The following RADIL variants were observed in gnomAD, a reference collection of about 807,000 sequenced individuals.
RADIL encodes Rap associating with DIL domain, also known as ras-associating and dilute domain-containing protein.
A neutral mutation model predicts 97.6 loss-of-function variants in RADIL; 99 were observed. The observed-to-expected ratio is 1.01, with a 90% CI of 0.86 to 1.20. The LOEUF (loss-of-function observed/expected upper bound fraction) is 1.20. RADIL is among the 50% of genes most tolerant of loss of function. RADIL has a pLI of 0.00. For synonymous variants in RADIL, 803 were observed against 691.8 expected, an observed-to-expected ratio of 1.16 and a Z score of -2.52; for missense variants, 1,765 against 1,498.9, an observed-to-expected ratio of 1.18 and a Z score of -2.93.
intron 9 of RADIL, among the ~76,000 whole-genome samples, chr7:4,806,199 G>A (rs1190044377): frequency 6.6e-6 from 1 of 152,232 alleles, no homozygotes; most frequent in Non-Finnish European, 1.5e-5. Context: ...ACGCAGGTTG[G>A]GGTGCAGTGG....
rs79511495 is a variant in RADIL, at chr7:4,869,208, C to T, written c.535+8397G>A. Among the ~76,000 whole-genome samples the T allele has an allele frequency of 1.8e-3, 278 of 152,322 alleles. 2 individuals are homozygous for T. The highest frequency in any genetic ancestry group is 6.3e-3 in the African/African-American group (261 of 41,594). On this transcript the variant is annotated intron_variant, in intron 2 of 14. Transcript: ENST00000399583. Reference sequence around the variant, plus strand: ...AGTGCAGTGGCATGATCACAGCTCACTGCAGCCTTGACCTTCTGGGCTCAA... The same window carrying T: ...AGTGCAGTGGCATGATCACAGCTCATTGCAGCCTTGACCTTCTGGGCTCAA...
chr7:4,868,785 A>G (rs1784188277), intron 2 of RADIL, among the ~76,000 whole-genome samples: 2 of 152,220 alleles, frequency 1.3e-5, no homozygotes, highest in African/African-American at 4.8e-5. Context: ...ATATAGTCAA[A>G]TCTATCTACT....
intron 2 of RADIL, chr7:4,865,546 G>A (rs1784111993): frequency 1.3e-6 from 1 of 784,760 alleles, no homozygotes. Flanking sequence ...ATTTTTTGTT[G>A]AGATACTTCA....
Position 4,840,220 on chromosome 7 carries a change from T to C in RADIL, c.536-3615A>G, listed in dbSNP as rs1783406467. ...TGGGGGCCGACATGGCCTCCCAAGTTCCCATAGAGAGAGCTGCAATCGTGC... is the reference window on the plus strand; with the variant it reads ...TGGGGGCCGACATGGCCTCCCAAGTCCCCATAGAGAGAGCTGCAATCGTGC... On this transcript the variant is annotated intron_variant, in intron 2 of 14. Coordinates refer to ENST00000399583, the MANE Select transcript of RADIL (RefSeq NM_018059.5). The surrounding 1 kb of genome is among the most constrained non-coding windows in gnomAD (Gnocchi z 5.6). Among the ~76,000 whole-genome samples the C allele has an allele frequency of 6.6e-6, 1 of 152,036 alleles. No individual in the cohort carries two copies. Among genetic ancestry groups the C allele is most frequent in the Non-Finnish European group, 1.5e-5 (1 of 67,984 alleles).
In RADIL at chr7:4,873,273, A is replaced by G. The variant is rs1784295891; in HGVS notation, c.535+4332T>C. Among the ~76,000 whole-genome samples, 1 of 152,138 alleles carries G rather than the reference A, an allele frequency of 6.6e-6. No homozygotes were observed. Among genetic ancestry groups the G allele is most frequent in the African/African-American group, 2.4e-5 (1 of 41,416 alleles). On this transcript the variant is annotated intron_variant, in intron 2 of 14. Coordinates refer to ENST00000399583, the MANE Select transcript of RADIL (RefSeq NM_018059.5). This position sits in a 1 kb window ranked among gnomAD's most constrained non-coding sequence, Gnocchi z 4.3. ...CATAGGAGTAATGGGAAATTATTGAAAAACAGTGTTACAGTGTTGAGCAAC... is the reference window on the plus strand; with the variant it reads ...CATAGGAGTAATGGGAAATTATTGAGAAACAGTGTTACAGTGTTGAGCAAC...
At chr7:4,808,509 C>A in intron 9 of RADIL, 2 of 916,740 alleles carry the variant, frequency 2.2e-6, no homozygotes, top group Non-Finnish European at 2.6e-6. Context: ...AAATGGTTTT[C>A]ACGTTTTTAA....
chr7:4,801,892 G>A lies in RADIL; in HGVS notation c.2603C>T (p.Thr868Ile). 1 of 1,583,220 alleles carries A rather than the reference G, an allele frequency of 6.3e-7. No homozygotes were observed. Among genetic ancestry groups the A allele is most frequent in the South Asian group, 1.1e-5 (1 of 87,708 alleles). ...CCAGGGAGCCCCCCTCAAGGGAAGA[G>A]TACGCTCCGGGGCCACTTCCCGGGC... The part of the protein sequence containing the change: ...PAAREVAPER[T>I]LPLRGAPWAQ... Residue 868 changes from threonine (T) to isoleucine (I), a missense_variant, in exon 12 of 15, where the codon ACT becomes ATT. Physicochemically the swap from Thr to Ile is moderately conservative, Grantham distance 89. Transcript: ENST00000399583.
rs1008836352 is a variant in RADIL at position 4,817,730 on chromosome 7, G to C, written c.1616-379C>G. 1.3e-5 allele frequency among the ~76,000 whole-genome samples: 2 copies of C among 152,174 alleles called. No homozygotes were observed. Among genetic ancestry groups the C allele is most frequent in the Non-Finnish European group, 2.9e-5 (2 of 68,022 alleles). ...ACAGGTCACCTCTCACTCGCGACACGGGTCACAGGACTCTGGCAGCAGCCC... is the reference window on the plus strand; with the variant it reads ...ACAGGTCACCTCTCACTCGCGACACCGGTCACAGGACTCTGGCAGCAGCCC... On this transcript the variant is annotated intron_variant, in intron 6 of 14. Coordinates refer to ENST00000399583, the MANE Select transcript of RADIL (RefSeq NM_018059.5). This position sits in a 1 kb window ranked among gnomAD's most constrained non-coding sequence, Gnocchi z 8.3.
intron 12 of RADIL, 147 bp from the exon 13 acceptor site, chr7:4,800,457 T>C (rs1459902243): frequency 3.3e-6 from 3 of 913,950 alleles, no homozygotes; most frequent in Non-Finnish European, 1.5e-6. Flanking sequence ...AGGCAGAATG[T>C]GACCGGCAAC....
Position 4,836,532 on chromosome 7 carries a change from G to C in RADIL, c.609C>G (p.Ala203=). The stretch of plus-strand genomic sequence containing the variant: ...GCAACCGGGGTGGAGGAGAGCTCCG[G>C]GCATCCCCCAGGGCCGGGGTCGGGG... ...KGTPTPALGD[A]RSSPPPRLRR... The change falls in exon 3 of 15, where the codon GCC becomes GCG. Residue 203 remains alanine, a synonymous_variant. Coordinates refer to ENST00000399583, the MANE Select transcript of RADIL (RefSeq NM_018059.5). 6.2e-7 allele frequency: 1 copy of C among 1,607,720 alleles called. No homozygotes were observed.
chr7:4,864,978 C>T (rs1012469522), intron 2 of RADIL, among the ~76,000 whole-genome samples: 9 of 152,170 alleles, frequency 5.9e-5, no homozygotes, highest in East Asian at 1.9e-4. Flanking sequence ...TCTGTCTAGC[C>T]GCACCTTCTG....
chr7:4,877,401 C>T lies in RADIL; in HGVS notation c.535+204G>A, dbSNP rs535397033. On this transcript the variant is annotated intron_variant, in intron 2 of 14. Transcript: ENST00000399583. ...AGTGAGCTGTGGTTGCACCACTGCA[C>T]TCCAGCCTGGGTGACAGAGCAAGAC... is the stretch of plus-strand genomic sequence containing the variant. 9.8e-5 allele frequency among the ~76,000 whole-genome samples: 15 copies of T among 152,360 alleles called. No homozygotes were observed. The South Asian group carries it at 2.9e-3, about 29-fold the overall frequency.
intron 2 of RADIL, among the ~76,000 whole-genome samples, chr7:4,875,632 A>G (rs149616159): frequency 4.6e-5 from 7 of 152,196 alleles, no homozygotes; most frequent in Non-Finnish European, 7.4e-5. Context: ...GCCCTGTCCC[A>G]CTCGCTTTTT....
rs928622028 is a variant in RADIL, at chr7:4,849,773, C to T, written c.536-13168G>A. On this transcript the variant is annotated intron_variant, in intron 2 of 14. Coordinates refer to ENST00000399583, the MANE Select transcript of RADIL (RefSeq NM_018059.5). The surrounding 1 kb of genome is among the most constrained non-coding windows in gnomAD (Gnocchi z 5.4). ...AGAATCTTAATTCATTTCACTCCTGCATACCTTTCTGCGTACGCACAAAAC... is the reference window on the plus strand; with the variant it reads ...AGAATCTTAATTCATTTCACTCCTGTATACCTTTCTGCGTACGCACAAAAC... Among the ~76,000 whole-genome samples, 4 of 152,194 alleles carry T rather than the reference C, an allele frequency of 2.6e-5. No individual in the cohort carries two copies. Among genetic ancestry groups the T allele is most frequent in the Non-Finnish European group, 5.9e-5 (4 of 68,036 alleles).
rs755252284 is a variant in RADIL, at chr7:4,835,208, C to T, written c.815G>A (p.Arg272Gln). ...DSLVYVLNRD[R>Q]HTVGQRTPSS... ...GGGGGTCCGCTGGCCCACCGTGTGCCGGTCCCGGTTGAGCACATACACCAG... is the reference window on the plus strand; with the variant it reads ...GGGGGTCCGCTGGCCCACCGTGTGCTGGTCCCGGTTGAGCACATACACCAG... The change falls in exon 4 of 15, where the codon CGG becomes CAG. Residue 272 changes from arginine to glutamine, a missense_variant. By Grantham distance (43) the Arg-to-Gln change is conservative. Transcript: ENST00000399583. This position sits in a 1 kb window ranked among gnomAD's most constrained non-coding sequence, Gnocchi z 5.8. 12 of 1,611,368 alleles carry T rather than the reference C, an allele frequency of 7.4e-6. No homozygotes were observed. The highest frequency in any genetic ancestry group is 2.2e-5 in the South Asian group (2 of 91,024).
rs1487080852 is a variant in RADIL at position 4,867,610 on chromosome 7, T to A, written c.535+9995A>T. 1.3e-5 allele frequency among the ~76,000 whole-genome samples: 2 copies of A among 151,528 alleles called. No homozygotes were observed. Among genetic ancestry groups the A allele is most frequent in the East Asian group, 3.9e-4 (2 of 5,184 alleles). ...AGTCTGGCAACATAGTGAGGCCCTG[T>A]CTCTATTTTTAAAATAAATAAGTAA... On this transcript the variant is annotated intron_variant, in intron 2 of 14. Coordinates refer to ENST00000399583, the MANE Select transcript of RADIL (RefSeq NM_018059.5). The surrounding 1 kb of genome is among the most constrained non-coding windows in gnomAD (Gnocchi z 4.1).
In RADIL at chr7:4,814,448, TC is replaced by T. The variant is rs1365634489; in HGVS notation, c.2139+829del. Among the ~76,000 whole-genome samples, 1 of 152,064 alleles carries T rather than the reference TC, an allele frequency of 6.6e-6. No individual in the cohort carries two copies. Among genetic ancestry groups the T allele is most frequent in the African/African-American group, 2.4e-5 (1 of 41,390 alleles). ...ATTCGCCCTGTGGCCACTGTCACCA[TC>T]ACAGTACAGCATGTTCAGCGTTTTC... On this transcript the variant is annotated intron_variant, in intron 9 of 14. Coordinates refer to ENST00000399583, the MANE Select transcript of RADIL (RefSeq NM_018059.5). This position sits in a 1 kb window ranked among gnomAD's most constrained non-coding sequence, Gnocchi z 4.5.
Position 4,877,875 on chromosome 7 carries a change from C to T in RADIL, c.265G>A (p.Ala89Thr), listed in dbSNP as rs771196814. The change falls in exon 2 of 15, where the codon GCC becomes ACC. Residue 89 changes from alanine to threonine, a missense_variant. By Grantham distance (58) the Ala-to-Thr change is moderately conservative (BLOSUM62 0). Transcript: ENST00000399583. Reference sequence around the variant, plus strand: ...AGCGCCTCCTTCACCAGCTCACGGGCGCTGGAGGTGCCGGTGGCCAGGACG... The same window carrying T: ...AGCGCCTCCTTCACCAGCTCACGGGTGCTGGAGGTGCCGGTGGCCAGGACG... The part of the protein sequence containing the change: ...KSVLATGTSS[A>T]RELVKEALER... The T allele has an allele frequency of 3.1e-6, 5 of 1,605,460 alleles. No homozygotes were observed. The highest frequency in any genetic ancestry group is 1.7e-5 in the Admixed American group (1 of 59,990).
intron 4 of RADIL, among the ~76,000 whole-genome samples, chr7:4,832,426 C>T (rs893856723): frequency 3.3e-5 from 5 of 152,160 alleles, no homozygotes; most frequent in African/African-American, 9.7e-5. Context: ...CTCTAGCTTA[C>T]ATAACAACCG....
Sources: allele counts gnomAD v4.1 joint callset (sites outside exome capture counted in the v4.1 genomes callset), GRCh38; gene constraint gnomAD v4.1.1; non-coding constraint Gnocchi (gnomAD v3.1); transcripts MANE v1.5; gene names NCBI Gene and HGNC (gene_info 2026-07-23, HGNC 2026-07-21).